ARHGEF38: variants seen among roughly 807,000 people sequenced by gnomAD.
ARHGEF38 encodes Rho guanine nucleotide exchange factor (GEF) 38.
ARHGEF38 carries 79 observed loss-of-function variants against 79.9 expected under a neutral mutation model. That is an observed-to-expected ratio of 0.99 (90% CI 0.82 to 1.19). ARHGEF38 has a LOEUF of 1.19. Among genes scored for constraint, ARHGEF38 ranks in the 50% most tolerant of loss-of-function variants. The pLI, the probability that ARHGEF38 is intolerant of heterozygous loss-of-function variation, is 0.00. For synonymous variants in ARHGEF38, 366 were observed against 328.3 expected (o/e 1.11, Z -1.24); for missense variants, 962 against 907.2 (o/e 1.06, Z -0.78).
chr4:105,680,399 G>A lies in ARHGEF38; in HGVS notation c.*2462G>A, dbSNP rs1731268948. 9.6e-6 allele frequency: 2 copies of A among 209,300 alleles called. No homozygotes were observed. Among genetic ancestry groups the A allele is most frequent in the Non-Finnish European group, 1.9e-5 (2 of 103,146 alleles). The allele number at this position is 209,300 out of a possible 1,614,324, so 13.0% of individuals were successfully genotyped here. A position where few individuals can be genotyped will look rare whatever the true frequency, so the allele number is the denominator to read the frequency against. On this transcript the variant is annotated 3_prime_UTR_variant, in exon 14 of 14. Transcript: ENST00000420470. ...GTAAGTATTTATTGAGAGTTAGTGG[G>A]AATACAATGCTGTGCAAGACAAACA...
At chr4:105,578,185 A>G (rs1726596092) in intron 1 of ARHGEF38, among the ~76,000 whole-genome samples, 1 of 152,138 alleles carries the variant, frequency 6.6e-6, no homozygotes, top group Non-Finnish European at 1.5e-5. Context: ...AGTAACCTCA[A>G]AATCATTCAG....
intron 8 of ARHGEF38, among the ~76,000 whole-genome samples, chr4:105,654,920 T>C (rs1460789383): frequency 6.6e-6 from 1 of 152,208 alleles, no homozygotes; most frequent in South Asian, 2.1e-4. Flanking sequence ...ATCTTAGATA[T>C]CCGTTTCTGG....
intron 11 of ARHGEF38, 94 bp from the exon 12 acceptor site, chr4:105,667,035 G>A (rs879171115): frequency 6.1e-5 from 67 of 1,095,404 alleles, no homozygotes; most frequent in Middle Eastern, 2.0e-4. Context: ...TGACTCCTAC[G>A]TTTTAAAAAT....
Position 105,659,178 on chromosome 4 carries a change from G to C in ARHGEF38, c.1358G>C (p.Arg453Pro), listed in dbSNP as rs1051796195. The change falls in exon 10 of 14, where the codon CGA becomes CCA. Residue 453 changes from arginine (R) to proline (P), a missense_variant. By Grantham distance (103) the Arg-to-Pro change is moderately radical (BLOSUM62 -2). Transcript: ENST00000420470. ...CTGGATTGCAACAGCTACCTGCAGCGATCAACGGGAGAGGAGTCAGACTTG... is the reference window on the plus strand; with the variant it reads ...CTGGATTGCAACAGCTACCTGCAGCCATCAACGGGAGAGGAGTCAGACTTG... ...KLLDCNSYLQ[R>P]STGEESDLAK... 7 of 1,536,134 alleles carry C rather than the reference G, an allele frequency of 4.6e-6. No individual in the cohort carries two copies. Among genetic ancestry groups the C allele is most frequent in the Non-Finnish European group, 6.1e-6 (7 of 1,146,880 alleles).
At chr4:105,645,816 C>T (rs776612019) in intron 6 of ARHGEF38, among the ~76,000 whole-genome samples, 6 of 152,200 alleles carry the variant, frequency 3.9e-5, no homozygotes, top group Non-Finnish European at 8.8e-5. Flanking sequence ...CTTTTGGATT[C>T]ATCTGGTTCT....
downstream of ARHGEF38, among the ~76,000 whole-genome samples, chr4:105,681,679 A>G (rs554289694): frequency 1.4e-4 from 21 of 152,286 alleles, no homozygotes; most frequent in Admixed American, 1.2e-3. Context: ...CATTATTGCA[A>G]TGCTCGGCTT....
chr4:105,647,372 G>T (rs557540691), intron 6 of ARHGEF38, among the ~76,000 whole-genome samples: 4 of 150,370 alleles, frequency 2.7e-5, no homozygotes, highest in African/African-American at 7.3e-5. Context: ...AAACTTAATC[G>T]TATATCATGA....
At chr4:105,604,668 G>A (rs1727964816) in intron 2 of ARHGEF38, among the ~76,000 whole-genome samples, 1 of 152,054 alleles carries the variant, frequency 6.6e-6, no homozygotes, top group Non-Finnish European at 1.5e-5. Flanking sequence ...AAAGGATATG[G>A]ATGCTTGTTG....
At chr4:105,622,629 C>T (rs1341992376) in intron 3 of ARHGEF38, among the ~76,000 whole-genome samples, 1 of 152,180 alleles carries the variant, frequency 6.6e-6, no homozygotes, top group Non-Finnish European at 1.5e-5. Context: ...AAATCCGTAA[C>T]TCACAAGTCC....
intron 1 of ARHGEF38, among the ~76,000 whole-genome samples, chr4:105,562,536 A>C (rs1336150159): frequency 2.6e-5 from 4 of 152,182 alleles, no homozygotes; most frequent in African/African-American, 9.7e-5. Context: ...TAAATAAATA[A>C]ATTTAATTAA....
At chr4:105,626,568 C>T (rs938765107) in intron 3 of ARHGEF38, among the ~76,000 whole-genome samples, 1 of 152,160 alleles carries the variant, frequency 6.6e-6, no homozygotes, top group Non-Finnish European at 1.5e-5. Flanking sequence ...CCAGTGCACT[C>T]TCTCTTAACT....
At chr4:105,654,521 T>C (rs1730243532) in intron 8 of ARHGEF38, among the ~76,000 whole-genome samples, 1 of 152,186 alleles carries the variant, frequency 6.6e-6, no homozygotes, top group Admixed American at 6.5e-5. Context: ...TACTAACACA[T>C]CTCTTTCTAG....
At chr4:105,665,774 C>T (rs1578362223) in intron 10 of ARHGEF38, among the ~76,000 whole-genome samples, 2 of 152,104 alleles carry the variant, frequency 1.3e-5, no homozygotes, top group Admixed American at 1.3e-4. Flanking sequence ...AACTCCATTT[C>T]TTTGTAGGAA....
chr4:105,561,871 G>A (rs1725648857), intron 1 of ARHGEF38, among the ~76,000 whole-genome samples: 1 of 152,154 alleles, frequency 6.6e-6, no homozygotes, highest in African/African-American at 2.4e-5. Context: ...ATAAATTGTG[G>A]AGATATGACA....
intron 5 of ARHGEF38, among the ~76,000 whole-genome samples, chr4:105,636,948 A>T (rs1447092): frequency 0.048 from 7,377 of 152,188 alleles, 532 homozygotes; most frequent in African/African-American, 0.16. Context: ...GACAATATAG[A>T]AATTATTTTA....
intron 3 of ARHGEF38, among the ~76,000 whole-genome samples, chr4:105,621,526 C>A (rs1028574612): frequency 6.6e-6 from 1 of 152,122 alleles, no homozygotes; most frequent in Non-Finnish European, 1.5e-5. Context: ...GCTTTCTGTT[C>A]TTTGAAGGTG....
chr4:105,654,071 G>A lies in ARHGEF38; in HGVS notation c.1015G>A (p.Asp339Asn). 6.8e-7 allele frequency: 1 copy of A among 1,478,450 alleles called. No homozygotes were observed. The highest frequency in any genetic ancestry group is 9.0e-7 in the Non-Finnish European group (1 of 1,109,128). 91.6% of individuals were successfully genotyped at this position (1,478,450 alleles called of 1,614,324 possible). A position where few individuals can be genotyped will look rare whatever the true frequency, so the allele number is the denominator to read the frequency against. The change falls in exon 8 of 14, where the codon GAC becomes AAC. Residue 339 changes from aspartate to asparagine, a missense_variant. Physicochemically the swap from Asp to Asn is conservative, Grantham distance 23. Coordinates refer to ENST00000420470, the MANE Select transcript of ARHGEF38 (RefSeq NM_001242729.2). ...ILTRGESQVKDNTFNREEKLF... is the reference protein window; with the variant it reads ...ILTRGESQVKNNTFNREEKLF... ...AATTTCATATATATTTTAGGTTAAA[G>A]ACAATACCTTTAACAGAGAAGAAAA...
intron 1 of ARHGEF38, among the ~76,000 whole-genome samples, chr4:105,576,819 A>G (rs1190840994): frequency 6.6e-6 from 1 of 152,120 alleles, no homozygotes; most frequent in African/African-American, 2.4e-5. Flanking sequence ...GGTTTTTATC[A>G]TAAAGGGATG....
chr4:105,561,400 T>G (rs1385378751), intron 1 of ARHGEF38, among the ~76,000 whole-genome samples: 1,129 of 30,078 alleles, frequency 0.038, 108 homozygotes, highest in African/African-American at 0.14. Flanking sequence ...TAGAGTAGAA[T>G]AATAGAATAG....
Sources: gnomAD v4.1 joint callset for allele counts (sites outside exome capture counted in the v4.1 genomes callset) on GRCh38, gnomAD v4.1.1 for gene constraint, MANE v1.5 for transcripts, NCBI Gene and HGNC (gene_info 2026-07-23, HGNC 2026-07-21) for gene names.